Variants in GRM3 observed in about 807,000 individuals in gnomAD.
The protein encoded by GRM3 is glutamate metabotropic receptor 3.
In GRM3, 26 loss-of-function variants were observed where a neutral mutation model predicts 70.5. The observed-to-expected ratio is 0.37, with a 90% confidence interval of 0.27 to 0.51. GRM3 has a LOEUF of 0.51. Among genes scored for constraint, GRM3 ranks in the 20% least tolerant of loss-of-function variants. GRM3 has a pLI of 0.93. For missense variants in GRM3, 859 were observed against 1,123.8 expected (o/e 0.76, Z 3.37); for synonymous variants, 443 against 434.9 (o/e 1.02, Z -0.23).
chr7:86,767,362 G>A (rs190471605), intron 2 of GRM3, among the ~76,000 whole-genome samples: 3 of 151,314 alleles, frequency 2.0e-5, no homozygotes, highest in Non-Finnish European at 4.4e-5. Context: ...AGGATAACTG[G>A]TTTTAAATAA....
intron 4 of GRM3, among the ~76,000 whole-genome samples, chr7:86,848,366 G>T (rs1798695517): frequency 6.6e-6 from 1 of 152,118 alleles, no homozygotes; most frequent in Non-Finnish European, 1.5e-5. Context: ...TGATTAAAGA[G>T]TAATAAGGAA....
intron 1 of GRM3, among the ~76,000 whole-genome samples, chr7:86,691,339 G>A (rs1203549107): frequency 6.6e-6 from 1 of 151,982 alleles, no homozygotes; most frequent in African/African-American, 2.4e-5. Context: ...CCATTAAGCA[G>A]CCAAAGTGGG....
intron 1 of GRM3, among the ~76,000 whole-genome samples, chr7:86,737,207 T>C (rs999712313): frequency 6.6e-6 from 1 of 152,218 alleles, no homozygotes; most frequent in South Asian, 2.1e-4. Context: ...CTATGTCTTT[T>C]GTTAGTGATA....
chr7:86,796,544 G>A (rs1453661406), intron 3 of GRM3, among the ~76,000 whole-genome samples: 1 of 151,976 alleles, frequency 6.6e-6, no homozygotes, highest in East Asian at 1.9e-4. Context: ...TTGGCTATAT[G>A]GGCTCTGTTG....
At chr7:86,846,857 T>C (rs1027346072) in intron 4 of GRM3, among the ~76,000 whole-genome samples, 1 of 152,212 alleles carries the variant, frequency 6.6e-6, no homozygotes, top group Admixed American at 6.5e-5. Flanking sequence ...CGTTTCTTCC[T>C]CATTGTCAAA....
At position 86,720,397 on chromosome 7, in the gene GRM3, A is replaced by G. The variant is rs186791514; in HGVS notation, c.-140-44609A>G. Among the ~76,000 whole-genome samples, 129 of 152,180 alleles carry G rather than the reference A, an allele frequency of 8.5e-4. 1 individual carries two copies. Among genetic ancestry groups the G allele is most frequent in the Admixed American group, 5.3e-3 (81 of 15,262 alleles). ...TGAGGGTACCATTGAGCAGTTGATT[A>G]AAATAGCTTTAGACATCAGAAGATG... On this transcript the variant is annotated intron_variant, in intron 1 of 5. Transcript: ENST00000361669.
At chr7:86,659,335 G>A (rs996577954) in intron 1 of GRM3, among the ~76,000 whole-genome samples, 4 of 152,200 alleles carry the variant, frequency 2.6e-5, no homozygotes, top group East Asian at 1.9e-4. Context: ...GCCAGGCACC[G>A]TTCCTTTTGC....
intron 5 of GRM3, among the ~76,000 whole-genome samples, chr7:86,862,784 C>A (rs1562885571): frequency 1.3e-5 from 2 of 152,102 alleles, no homozygotes; most frequent in South Asian, 2.1e-4. Flanking sequence ...TGAATGCTCC[C>A]CCACTGAATG....
At chr7:86,821,283 A>T (rs79266453) in intron 3 of GRM3, among the ~76,000 whole-genome samples, 25 of 152,064 alleles carry the variant, frequency 1.6e-4, no homozygotes, top group Admixed American at 5.9e-4. Context: ...TATAGCTCAT[A>T]TAATTCTGTG....
chr7:86,713,440 A>G (rs553199612), intron 1 of GRM3, among the ~76,000 whole-genome samples: 6 of 152,100 alleles, frequency 3.9e-5, no homozygotes, highest in South Asian at 4.2e-4. Flanking sequence ...TCATGTAACT[A>G]TCACCTTCCT....
intron 4 of GRM3, among the ~76,000 whole-genome samples, chr7:86,848,926 G>A (rs1798706955): frequency 6.6e-6 from 1 of 152,078 alleles, no homozygotes; most frequent in South Asian, 2.1e-4. Flanking sequence ...TAGGCTTTCA[G>A]CGAGGAGACA....
chr7:86,683,410 T>A (rs1794488821), intron 1 of GRM3, among the ~76,000 whole-genome samples: 1 of 152,146 alleles, frequency 6.6e-6, no homozygotes, highest in African/African-American at 2.4e-5. Context: ...GTTGTACACA[T>A]CAATTCAGAG....
intron 1 of GRM3, among the ~76,000 whole-genome samples, chr7:86,743,866 G>A (rs548186939): frequency 2.6e-5 from 4 of 152,198 alleles, no homozygotes; most frequent in Non-Finnish European, 2.9e-5. Flanking sequence ...ACTTCCATAT[G>A]TAATTCCTCA....
intron 1 of GRM3, among the ~76,000 whole-genome samples, chr7:86,657,417 G>A (rs1793774896): frequency 6.6e-6 from 1 of 152,098 alleles, no homozygotes; most frequent in Admixed American, 6.6e-5. Flanking sequence ...TTCTGTCCTG[G>A]GCTCTAAAAA....
At chr7:86,677,473 G>C (rs556502574) in intron 1 of GRM3, among the ~76,000 whole-genome samples, 1 of 151,902 alleles carries the variant, frequency 6.6e-6, no homozygotes, top group Non-Finnish European at 1.5e-5. Context: ...TTTCTGCTGA[G>C]GTCAAGCATA....
intron 1 of GRM3, among the ~76,000 whole-genome samples, chr7:86,676,241 C>A (rs1433317497): frequency 6.6e-6 from 1 of 151,864 alleles, no homozygotes; most frequent in Non-Finnish European, 1.5e-5. Context: ...TGAAGTACAT[C>A]TCACAAGAAC....
chr7:86,766,489 C>T (rs1392205880), intron 2 of GRM3, among the ~76,000 whole-genome samples: 1 of 151,686 alleles, frequency 6.6e-6, no homozygotes, highest in African/African-American at 2.4e-5. Context: ...TCTTGCAATC[C>T]TTACTTATAA....
chr7:86,713,884 T>A (rs1244742631), intron 1 of GRM3, among the ~76,000 whole-genome samples: 1 of 152,018 alleles, frequency 6.6e-6, no homozygotes, highest in Non-Finnish European at 1.5e-5. Context: ...GGGCCCCTAC[T>A]ACTGGGTTCG....
chr7:86,860,658 G>A (rs996343935), intron 5 of GRM3, among the ~76,000 whole-genome samples: 1 of 152,152 alleles, frequency 6.6e-6, no homozygotes, highest in Non-Finnish European at 1.5e-5. Context: ...CCTATGAAGG[G>A]GGTAGATGAA....
Sources: allele counts gnomAD v4.1 joint callset (sites outside exome capture counted in the v4.1 genomes callset), GRCh38; gene constraint gnomAD v4.1.1; transcripts MANE v1.5; gene names NCBI Gene and HGNC (gene_info 2026-07-23, HGNC 2026-07-21).